Variants in TNRC6A observed in about 807,000 individuals in gnomAD.
The protein encoded by TNRC6A is trinucleotide repeat-containing gene 6A protein.
A neutral mutation model predicts 221.2 loss-of-function variants in TNRC6A; 44 were observed. The ratio of observed to expected loss-of-function variants is 0.20; its 90% CI spans 0.16 to 0.26. TNRC6A has a LOEUF of 0.26. Ranked by LOEUF, TNRC6A falls within the 10% of genes least tolerant of loss-of-function variation. The pLI, the probability that TNRC6A is intolerant of heterozygous loss-of-function variation, is 1.00. For synonymous variants in TNRC6A, 847 were observed against 838.5 expected (o/e 1.01, Z -0.18); for missense variants, 2,199 against 2,404.4 (o/e 0.91, Z 1.79).
chr16:24,765,414 C>T (rs2057452133), intron 4 of TNRC6A, among the ~76,000 whole-genome samples: 1 of 152,210 alleles, frequency 6.6e-6, no homozygotes, highest in Non-Finnish European at 1.5e-5. Flanking sequence ...TCCCCATAGC[C>T]TGTTTCCATC....
rs1236463197 is a variant in TNRC6A, at chr16:24,623,156, T to A, written n.276+12672T>A. 3.1e-5 allele frequency among the ~76,000 whole-genome samples: 3 copies of A among 95,434 alleles called. No homozygotes were observed. The East Asian group carries it at 6.5e-4, about 21-fold the overall frequency. The allele number at this position is 95,434 out of a possible 152,430, so 62.6% of individuals were successfully genotyped here. On this transcript the variant is annotated intron_variant and non_coding_transcript_variant, in intron 1 of 2. Coordinates refer to the TNRC6A transcript ENST00000566108. ...CCCAGTCAGTTAAGTGATAAGAATT[T>A]ATTTATTTATTTATTTATTTATTTA...
intron 2 of TNRC6A, among the ~76,000 whole-genome samples, chr16:24,660,073 T>C (rs935802595): frequency 1.8e-4 from 28 of 151,398 alleles, no homozygotes; most frequent in African/African-American, 6.6e-4. Context: ...TTTTATTTTA[T>C]TTTTTTAACT....
chr16:24,771,582 T>TTATGTTGTTATGTTATGTTATGTTA lies in TNRC6A; in HGVS notation c.164-5350_164-5349insATGTTGTTATGTTATGTTATGTTAT. ...ATGTTTTATGTTATGTTATGTTATG[T>TTATGTTGTTATGTTATGTTATGTTA]TGTTATGTTATGTTATGTTATGTTA... is the stretch of plus-strand genomic sequence containing the variant. On this transcript the variant is annotated intron_variant, in intron 4 of 24. Transcript: ENST00000395799. Among the ~76,000 whole-genome samples, 271 of 95,470 alleles carry TTATGTTGTTATGTTATGTTATGTTA rather than the reference T, an allele frequency of 2.8e-3. 2 individuals carry two copies. Among genetic ancestry groups the TTATGTTGTTATGTTATGTTATGTTA allele is most frequent in the African/African-American group, 4.6e-3 (106 of 22,978 alleles). The allele number at this position is 95,470 out of a possible 152,430, so 62.6% of individuals were successfully genotyped here. A position where few individuals can be genotyped will look rare whatever the true frequency, so the allele number is the denominator to read the frequency against.
At chr16:24,734,170 G>C (rs1383409689) in intron 2 of TNRC6A, among the ~76,000 whole-genome samples, 1 of 151,942 alleles carries the variant, frequency 6.6e-6, no homozygotes, top group Non-Finnish European at 1.5e-5. Flanking sequence ...GTGCAACCCT[G>C]TCTCAAAGCA....
intron 2 of TNRC6A, among the ~76,000 whole-genome samples, chr16:24,740,138 G>T (rs1375534475): frequency 1.3e-5 from 2 of 152,114 alleles, no homozygotes; most frequent in Admixed American, 1.3e-4. Context: ...GATACTATGT[G>T]TTCATCATTA....
At chr16:24,781,291 TCAAGCTATCTGC>T (rs1407076861) in intron 5 of TNRC6A, among the ~76,000 whole-genome samples, 1 of 151,944 alleles carries the variant, frequency 6.6e-6, no homozygotes, top group Non-Finnish European at 1.5e-5. Context: ...ACTCCTGAGC[TCAAGCTATCTGC>T]CTGCCTTGGC....
chr16:24,634,626 T>C (rs1197736407), intron 1 of TNRC6A, among the ~76,000 whole-genome samples: 1 of 152,230 alleles, frequency 6.6e-6, no homozygotes, highest in Non-Finnish European at 1.5e-5. Context: ...GTTTTTACAC[T>C]TTTCTGTGTT....
intron 2 of TNRC6A, among the ~76,000 whole-genome samples, chr16:24,648,517 GC>G (rs1288973719): frequency 7.2e-5 from 11 of 151,924 alleles, no homozygotes; most frequent in African/African-American, 2.7e-4. Flanking sequence ...TGATTCACCC[GC>G]CTTGGCCTCC....
intron 2 of TNRC6A, among the ~76,000 whole-genome samples, chr16:24,672,183 G>A (rs929084637): frequency 1.3e-5 from 2 of 152,152 alleles, no homozygotes; most frequent in Non-Finnish European, 1.5e-5. Context: ...GTGCAGTGGC[G>A]TGATCTCGGC....
chr16:24,713,953 A>G (rs1234377936), intron 2 of TNRC6A, among the ~76,000 whole-genome samples: 1 of 152,044 alleles, frequency 6.6e-6, no homozygotes, highest in East Asian at 1.9e-4. Flanking sequence ...GCCATTAATC[A>G]TTGTTTTTAA....
chr16:24,822,891 G>A lies in TNRC6A; in HGVS notation c.5391G>A (p.Leu1797=), dbSNP rs1206078323. ...NLTPQIDGST[L]RTLCMQHGPL... is the part of the protein sequence containing the mutation. Reference sequence around the variant, plus strand: ...TTTCCTAGATCGATGGCTCAACTCTGCGCACTCTGTGCATGCAGCACGGCC... The same window carrying A: ...TTTCCTAGATCGATGGCTCAACTCTACGCACTCTGTGCATGCAGCACGGCC... The change falls in exon 24 of 25, where the codon CTG becomes CTA. Residue 1797 remains leucine, a synonymous_variant. Coordinates refer to ENST00000395799, the MANE Select transcript of TNRC6A (RefSeq NM_014494.4). 1.2e-6 allele frequency: 2 copies of A among 1,613,674 alleles called. No homozygotes were observed. Among genetic ancestry groups the A allele is most frequent in the African/African-American group, 2.7e-5 (2 of 74,928 alleles).
intron 1 of TNRC6A, among the ~76,000 whole-genome samples, chr16:24,626,649 C>CT (rs5816260): frequency 0.1 from 12,839 of 126,918 alleles, 877 homozygotes; most frequent in Middle Eastern, 0.17. Context: ...GATACTATTT[C>CT]TTTTTTTTTT....
intron 2 of TNRC6A, among the ~76,000 whole-genome samples, chr16:24,677,258 G>A (rs2055438862): frequency 6.7e-6 from 1 of 150,344 alleles, no homozygotes; most frequent in Admixed American, 6.7e-5. Flanking sequence ...CACCTCCCGC[G>A]TTCAAGTGAT....
At position 24,797,500 on chromosome 16, in the gene TNRC6A, A is replaced by C; in HGVS notation, c.3572A>C (p.Lys1191Thr). Residue 1191 changes from lysine to threonine, a missense_variant, in exon 10 of 25, where the codon AAA becomes ACA. This residue lies in a region of TNRC6A where 158 missense variants were observed against 159.1 expected (regional missense o/e 0.99). Transcript: ENST00000395799. ...KKRRRERGMM[K>T]GGNKQEEAWI... is the part of the protein sequence containing the mutation. ...TTTTATTTTACAAAGGGAATGATGAAAGGTGGAAACAAACAAGAAGAAGCG... is the reference window on the plus strand; with the variant it reads ...TTTTATTTTACAAAGGGAATGATGACAGGTGGAAACAAACAAGAAGAAGCG... 4 of 1,610,558 alleles carry C rather than the reference A, an allele frequency of 2.5e-6. No individual in the cohort carries two copies. The highest frequency in any genetic ancestry group is 3.4e-6 in the Non-Finnish European group (4 of 1,178,938).
chr16:24,786,369 A>G (rs2057969045), intron 5 of TNRC6A, among the ~76,000 whole-genome samples: 1 of 151,626 alleles, frequency 6.6e-6, no homozygotes, highest in Non-Finnish European at 1.5e-5. Context: ...TTTGTTGCCC[A>G]GGCTGGAGTG....
At chr16:24,668,615 A>G (rs1361815011) in intron 2 of TNRC6A, among the ~76,000 whole-genome samples, 1 of 152,058 alleles carries the variant, frequency 6.6e-6, no homozygotes, top group Non-Finnish European at 1.5e-5. Flanking sequence ...CCACCGGAAC[A>G]ATTAGACTCA....
intron 1 of TNRC6A, among the ~76,000 whole-genome samples, chr16:24,632,632 AC>A (rs1340200593): frequency 6.6e-6 from 1 of 151,908 alleles, no homozygotes; most frequent in Non-Finnish European, 1.5e-5. Flanking sequence ...TCTTACAGCC[AC>A]CCCCAGAGTC....
chr16:24,666,651 AAAAAAAAAAAAAAAAAAATAT>A (rs1033171255), intron 2 of TNRC6A, among the ~76,000 whole-genome samples: 1 of 119,878 alleles, frequency 8.3e-6, no homozygotes, highest in Non-Finnish European at 1.6e-5. Context: ...AAAAAAAAAA[AAAAAAAAAAAAAAAAAAATAT>A]ATATATATAT....
At position 24,823,831 on chromosome 16, in the gene TNRC6A, C is replaced by A; in HGVS notation, c.*24C>A. 1 of 1,370,670 alleles carries A rather than the reference C, an allele frequency of 7.3e-7. No individual in the cohort carries two copies. The highest frequency in any genetic ancestry group is 9.5e-7 in the Non-Finnish European group (1 of 1,056,996). The allele number at this position is 1,370,670 out of a possible 1,614,324, so 84.9% of individuals were successfully genotyped here. On this transcript the variant is annotated 3_prime_UTR_variant, in exon 25 of 25. Transcript: ENST00000395799. This position sits in a 1 kb window ranked among gnomAD's most constrained non-coding sequence, Gnocchi z 4.3. ...AACAGTGTAGATGCAGACTCACCGA[C>A]CGGGACCTCAGACGCGAGGGAAAGG...
Sources: allele counts gnomAD v4.1 joint callset (sites outside exome capture counted in the v4.1 genomes callset), GRCh38; gene constraint gnomAD v4.1.1; regional missense constraint gnomAD v4.1.1; non-coding constraint Gnocchi (gnomAD v3.1); transcripts MANE v1.5; gene names NCBI Gene and HGNC (gene_info 2026-07-23, HGNC 2026-07-21).